Variants in ZBED6 observed in about 807,000 individuals in gnomAD.
The protein encoded by ZBED6 is zinc finger BED-type containing 6.
ZBED6 carries 40 observed loss-of-function variants against 58.4 expected under a neutral mutation model. That is an observed-to-expected ratio of 0.68 (90% CI 0.53 to 0.89). The LOEUF (loss-of-function observed/expected upper bound fraction) is 0.89, where lower values mean the gene tolerates loss of function less well. Ranked by LOEUF, ZBED6 falls within the 40% of genes least tolerant of loss-of-function variation. The probability of loss-of-function intolerance (pLI) is 0.00; values close to 1 mark genes in which losing one functional copy is unlikely to be tolerated. For synonymous variants in ZBED6, 439 were observed against 350.6 expected (o/e 1.25, Z -2.82); for missense variants, 1,057 against 1,003.9 (o/e 1.05, Z -0.71).
chr1:203,842,924 C>T (rs1572322179), intron 11 of ZBED6, among the ~76,000 whole-genome samples: 1 of 146,708 alleles, frequency 6.8e-6, no homozygotes, highest in Admixed American at 6.8e-5. Flanking sequence ...AGCCTTCCGT[C>T]TTTTTTTTTT....
intron 8 of ZBED6, among the ~76,000 whole-genome samples, chr1:203,832,468 C>T (rs1682719241): frequency 6.6e-6 from 1 of 152,000 alleles, no homozygotes. Flanking sequence ...TCAAGTGATT[C>T]TCCTGCTTCA....
chr1:203,842,712 T>C (rs1395177796), intron 11 of ZBED6, among the ~76,000 whole-genome samples: 2 of 151,362 alleles, frequency 1.3e-5, no homozygotes, highest in Non-Finnish European at 2.9e-5. Context: ...ATTCTAATTT[T>C]GTAAAGATAT....
intron 9 of ZBED6, chr1:203,835,693 C>G (rs563638385): frequency 1.2e-5 from 3 of 250,044 alleles, no homozygotes; most frequent in South Asian, 7.6e-5. Context: ...GCTTGAGTTA[C>G]CTTTCCCCAG....
At chr1:203,830,234 G>T (rs746792462) in intron 7 of ZBED6, 31 bp downstream of exon 7, 2 of 1,529,008 alleles carry the variant, frequency 1.3e-6, no homozygotes. Context: ...ATGGATAGTT[G>T]TATGTTGCTA....
At chr1:203,850,819 G>C (rs1205678376) in intron 15 of ZBED6, 138 bp downstream of exon 15, 3 of 1,284,898 alleles carry the variant, frequency 2.3e-6, no homozygotes, top group Non-Finnish European at 3.2e-6. Flanking sequence ...GGTTACTACT[G>C]TATTTTATAC....
At chr1:203,848,582 G>T (rs148788821) in intron 13 of ZBED6, among the ~76,000 whole-genome samples, 175 bp downstream of exon 13, 1 of 151,906 alleles carries the variant, frequency 6.6e-6, no homozygotes, top group African/African-American at 2.4e-5. Flanking sequence ...ATCAGTATTC[G>T]CTGCCCTTTT....
chr1:203,831,803 G>A (rs2103043499), intron 8 of ZBED6, 32 bp downstream of exon 8: 1 of 1,544,334 alleles, frequency 6.5e-7, no homozygotes. Context: ...GAGTTGTCAA[G>A]CCTCTACTTT....
At chr1:203,800,114 A>G in exon 1 of ZBED6, 3 of 1,536,136 alleles carry the variant, frequency 2.0e-6, no homozygotes, top group Non-Finnish European at 2.6e-6. Context: ...CTTCTGCTGT[A>G]GCAGTTGTGG....
At chr1:203,850,166 T>C in intron 14 of ZBED6, 140 bp downstream of exon 14, 1 of 756,654 alleles carries the variant, frequency 1.3e-6, no homozygotes, top group Non-Finnish European at 2.2e-6. Flanking sequence ...ATATTTCTGA[T>C]ATTTTTATAC....
rs532627529 is a variant in ZBED6, at chr1:203,833,170, C to T, written c.*3511-621C>T. Among the ~76,000 whole-genome samples, 14 of 152,224 alleles carry T rather than the reference C, an allele frequency of 9.2e-5. No homozygotes were observed. In the South Asian group the frequency reaches 2.3e-3, roughly 25 times the overall value. The stretch of plus-strand genomic sequence containing the variant: ...AGATCACAAGGTCAGAAATTCGAGA[C>T]CAGCCCGACCAACGCGGTGAAACCT... On this transcript the variant is annotated intron_variant, in intron 8 of 16. Coordinates refer to ENST00000550078, the Ensembl canonical transcript of ZBED6.
intron 1 of ZBED6, among the ~76,000 whole-genome samples, chr1:203,810,866 C>T (rs1461963214): frequency 6.6e-6 from 1 of 151,830 alleles, no homozygotes. Flanking sequence ...GCCAGACGCT[C>T]ACGCCTGTAA....
exon 5 of ZBED6, chr1:203,829,599 C>T (rs1681605950): frequency 6.2e-7 from 1 of 1,614,134 alleles, no homozygotes. Flanking sequence ...ATGTTCCTAG[C>T]CCCACGCATC....
intron 8 of ZBED6, among the ~76,000 whole-genome samples, chr1:203,832,604 G>A (rs528120914): frequency 2.8e-4 from 42 of 152,216 alleles, no homozygotes; most frequent in Non-Finnish European, 5.3e-4. Context: ...CAAATCATCT[G>A]CCTGCCTCAG....
At chr1:203,841,094 G>T (rs913032885) in intron 11 of ZBED6, among the ~76,000 whole-genome samples, 62 of 150,338 alleles carry the variant, frequency 4.1e-4, no homozygotes, top group South Asian at 8.4e-4. Context: ...AAAGATAACA[G>T]AGAGCACATA....
At chr1:203,809,074 C>T (rs1673368768) in intron 1 of ZBED6, among the ~76,000 whole-genome samples, 1 of 152,106 alleles carries the variant, frequency 6.6e-6, no homozygotes, top group Non-Finnish European at 1.5e-5. Flanking sequence ...AGGTGATCCA[C>T]CTGTCTCGGC....
chr1:203,845,254 T>C (rs1013543106), intron 11 of ZBED6, among the ~76,000 whole-genome samples: 6 of 152,242 alleles, frequency 3.9e-5, no homozygotes, highest in Non-Finnish European at 5.9e-5. Context: ...TTTAATGTTT[T>C]ATCATTTCAA....
At chr1:203,797,873 C>T (rs1571856559) in exon 1 of ZBED6, 3 of 1,536,014 alleles carry the variant, frequency 2.0e-6, no homozygotes, top group South Asian at 1.2e-5. Flanking sequence ...TTTTTGAGAG[C>T]AATATAGAAA....
Position 203,846,160 on chromosome 1 carries a change from T to TTTG in ZBED6, c.*3742-1024_*3742-1023insTTG, listed in dbSNP as rs1553270782. On this transcript the variant is annotated intron_variant, in intron 11 of 16. Transcript: ENST00000550078. ...AGATTTTGAAAAGATATAATTTTTT[T>TTTG]GGGGGGGGGGTTCATTAAAAGCTGT... Among the ~76,000 whole-genome samples, 220 of 132,048 alleles carry TTTG rather than the reference T, an allele frequency of 1.7e-3. 2 individuals carry two copies. The highest frequency in any genetic ancestry group is 5.6e-3 in the African/African-American group (206 of 36,582). 86.6% of individuals were successfully genotyped at this position (132,048 alleles called of 152,430 possible).
chr1:203,832,395 C>T (rs1267434963), intron 8 of ZBED6, among the ~76,000 whole-genome samples: 1 of 151,552 alleles, frequency 6.6e-6, no homozygotes, highest in Admixed American at 6.6e-5. Context: ...GAGTCTTGCT[C>T]TGTCGCCCAG....
Sources: gnomAD v4.1 joint callset for allele counts (sites outside exome capture counted in the v4.1 genomes callset) on GRCh38, gnomAD v4.1.1 for gene constraint, MANE v1.5 for transcripts, NCBI Gene and HGNC (gene_info 2026-07-23, HGNC 2026-07-21) for gene names.